The following ARG2 variants were observed in gnomAD, a reference collection of about 807,000 sequenced individuals.
The protein encoded by ARG2 is arginase 2, also known as arginase-2, mitochondrial.
In ARG2, 21 loss-of-function variants were observed where a neutral mutation model predicts 39.4. The observed-to-expected ratio is 0.53, with a 90% CI of 0.38 to 0.77. The LOEUF is 0.77. Among genes scored for constraint, ARG2 ranks in the 30% least tolerant of loss-of-function variants. The probability of loss-of-function intolerance (pLI) is 0.00; values close to 1 mark genes in which losing one functional copy is unlikely to be tolerated. For missense variants in ARG2, 378 were observed against 426.2 expected (o/e 0.89, Z 1.00); for synonymous variants, 150 against 156.7 (o/e 0.96, Z 0.32).
chr14:67,631,096 T>G (rs1253124992), intron 2 of ARG2, among the ~76,000 whole-genome samples: 1 of 152,170 alleles, frequency 6.6e-6, no homozygotes, highest in Non-Finnish European at 1.5e-5. Context: ...TAACCTGTCC[T>G]TTCGGTAATT....
intron 2 of ARG2, among the ~76,000 whole-genome samples, chr14:67,640,162 A>G (rs1044369335): frequency 6.6e-6 from 1 of 152,006 alleles, no homozygotes; most frequent in Admixed American, 6.6e-5. Flanking sequence ...TCACATTTTT[A>G]TCTTGGTTCA....
rs1357255708 is a variant in ARG2, at chr14:67,642,292, G to C, written c.291G>C (p.Gln97His). 2 of 1,614,112 alleles carry C rather than the reference G, an allele frequency of 1.2e-6. No individual in the cohort carries two copies. The highest frequency in any genetic ancestry group is 8.5e-7 in the Non-Finnish European group (1 of 1,179,994). The change falls in exon 3 of 8, where the codon CAG (glutamine) becomes CAC (histidine). Residue 97 changes from glutamine (Q) to histidine (H), a missense_variant. Transcript: ENST00000261783. ...VNPRSVGLAN[Q>H]ELAEVVSRAV... ...CACGCTCAGTGGGTCTTGCCAACCA[G>C]GAACTGGCTGAGGTGGTTAGCAGAG...
In ARG2 at chr14:67,648,154, T is replaced by C; in HGVS notation, c.830T>C (p.Met277Thr). Reference protein sequence around the residue: ...VVGGLTYREGMYIAEEIHNTG... With the variant: ...VVGGLTYREGTYIAEEIHNTG... ...GGGGGACTAACCTATCGAGAAGGCA[T>C]GTATATTGCTGAGGAAATACACAAT... Residue 277 changes from methionine to threonine, a missense_variant, in exon 7 of 8, where the codon ATG (methionine) becomes ACG (threonine). Transcript: ENST00000261783. 2 of 1,614,030 alleles carry C rather than the reference T, an allele frequency of 1.2e-6. No individual in the cohort carries two copies. Among genetic ancestry groups the C allele is most frequent in the Non-Finnish European group, 1.7e-6 (2 of 1,179,908 alleles).
chr14:67,648,809 T>A (rs1186420317), intron 7 of ARG2: 4 of 152,218 alleles, frequency 2.6e-5, no homozygotes, highest in Non-Finnish European at 5.9e-5. Flanking sequence ...GCTTCTGGTT[T>A]TAAAGCTACT....
In ARG2 at chr14:67,651,486, A is replaced by G; in HGVS notation, c.*566A>G. 6.2e-7 allele frequency: 1 copy of G among 1,613,364 alleles called. No homozygotes were observed. The highest frequency in any genetic ancestry group is 1.1e-5 in the South Asian group (1 of 91,030). On this transcript the variant is annotated 3_prime_UTR_variant, in exon 8 of 8. Coordinates refer to ENST00000261783, the MANE Select transcript of ARG2 (RefSeq NM_001172.4). ...AGCAGCTTGTTGGTTGTCACTCTAC[A>G]AAGAGAAGCAAAGTGGGGAGTAGTC...
chr14:67,620,491 T>C (rs1270140320), intron 1 of ARG2, among the ~76,000 whole-genome samples: 1 of 151,990 alleles, frequency 6.6e-6, no homozygotes, highest in Non-Finnish European at 1.5e-5. Flanking sequence ...CGACCGAGGA[T>C]TTAAGTCTTC....
At chr14:67,627,570 G>A (rs535076318) in intron 2 of ARG2, among the ~76,000 whole-genome samples, 1 of 152,142 alleles carries the variant, frequency 6.6e-6, no homozygotes, top group Non-Finnish European at 1.5e-5. Flanking sequence ...GCAAATATCA[G>A]TGATGTTTCT....
At chr14:67,645,472 G>C (rs1457717694) in intron 3 of ARG2, among the ~76,000 whole-genome samples, 171 bp from the exon 4 acceptor site, 3 of 152,276 alleles carry the variant, frequency 2.0e-5, no homozygotes, top group African/African-American at 7.2e-5. Context: ...TATCACTCAA[G>C]ATTAATTTTT....
At chr14:67,632,966 G>A (rs908385554) in intron 2 of ARG2, among the ~76,000 whole-genome samples, 2 of 151,286 alleles carry the variant, frequency 1.3e-5, no homozygotes, top group South Asian at 2.1e-4. Flanking sequence ...GACTACAGGC[G>A]CCCGCCACCA....
intron 2 of ARG2, among the ~76,000 whole-genome samples, chr14:67,630,573 T>G (rs2036908485): frequency 6.6e-6 from 1 of 152,128 alleles, no homozygotes; most frequent in Non-Finnish European, 1.5e-5. Context: ...AAATATAGTT[T>G]TTATGTTTAT....
In ARG2 at chr14:67,643,854, A is replaced by T. The variant is rs1431569158; in HGVS notation, c.362+1491A>T. ...GCAGGTAGATTCCTCCTTGGGAGTA[A>T]AAAAAAAAAAAAAAAAAAAAAAAAA... On this transcript the variant is annotated intron_variant, in intron 3 of 7. Transcript: ENST00000261783. Among the ~76,000 whole-genome samples, 4 of 12,308 alleles carry T rather than the reference A, an allele frequency of 3.2e-4. No homozygotes were observed. In the East Asian group the frequency reaches 0.016, roughly 49 times the overall value. 8.1% of individuals were successfully genotyped at this position (12,308 alleles called of 152,430 possible).
At chr14:67,625,461 C>T (rs1399748207) in intron 2 of ARG2, among the ~76,000 whole-genome samples, 1 of 151,612 alleles carries the variant, frequency 6.6e-6, no homozygotes, top group Admixed American at 6.6e-5. Context: ...GGCGGATCAC[C>T]TGAGGTCAGG....
Position 67,651,391 on chromosome 14 carries a change from G to T in ARG2, c.*471G>T. 1.2e-6 allele frequency: 2 copies of T among 1,613,788 alleles called. No individual in the cohort carries two copies. Among genetic ancestry groups the T allele is most frequent in the Non-Finnish European group, 1.7e-6 (2 of 1,179,766 alleles). On this transcript the variant is annotated 3_prime_UTR_variant, in exon 8 of 8. Coordinates refer to ENST00000261783, the MANE Select transcript of ARG2 (RefSeq NM_001172.4). ...AACCCTTCCCTATAGAAGTTCAATG[G>T]CTGCGAAAGAATTTGTAGTAAACCA...
At chr14:67,647,832 T>A in intron 6 of ARG2, 2 of 563,104 alleles carry the variant, frequency 3.6e-6, no homozygotes. Flanking sequence ...GCAGAACAAA[T>A]GGCAGTATCA....
Position 67,642,195 on chromosome 14 carries a change from TAA to T in ARG2, c.197_198del (p.Lys66ArgfsTer14). ...CCTCATTTGCTTCCAGGCTGCCACC[TAA>T]AAGACTTTGGAGATTTGAGTTTTAC... is the stretch of plus-strand genomic sequence containing the variant. On this transcript the variant is annotated frameshift_variant, in exon 3 of 8. Transcript: ENST00000261783. LOFTEE classifies it high-confidence loss of function. 6.2e-7 allele frequency: 1 copy of T among 1,613,882 alleles called. No individual in the cohort carries two copies. Among genetic ancestry groups the T allele is most frequent in the South Asian group, 1.1e-5 (1 of 91,080 alleles).
chr14:67,647,738 C>T (rs1053813759), intron 6 of ARG2: 50 of 242,112 alleles, frequency 2.1e-4, no homozygotes, highest in African/African-American at 1.0e-3. Flanking sequence ...GAAGAAATCT[C>T]TCTATTGACA....
At chr14:67,621,819 G>A (rs1259145831) in intron 2 of ARG2, among the ~76,000 whole-genome samples, 2 of 151,852 alleles carry the variant, frequency 1.3e-5, no homozygotes, top group African/African-American at 4.8e-5. Context: ...TTTATAAGCA[G>A]GGTGCGGTGG....
intron 2 of ARG2, among the ~76,000 whole-genome samples, chr14:67,637,553 A>G (rs188892947): frequency 1.9e-4 from 29 of 152,284 alleles, no homozygotes; most frequent in African/African-American, 7.0e-4. Context: ...TTCTACAACA[A>G]CATACTAGAA....
intron 6 of ARG2, chr14:67,647,386 T>C (rs2037114142): frequency 1.1e-5 from 2 of 184,620 alleles, no homozygotes; most frequent in Non-Finnish European, 2.2e-5. Flanking sequence ...TGTAGAAAGA[T>C]GGCAGATGAA....
Sources: gnomAD v4.1 joint callset for allele counts (sites outside exome capture counted in the v4.1 genomes callset) on GRCh38, gnomAD v4.1.1 for gene constraint, MANE v1.5 for transcripts, NCBI Gene and HGNC (gene_info 2026-07-23, HGNC 2026-07-21) for gene names.